The following SOX6 variants were observed in gnomAD, a reference collection of about 807,000 sequenced individuals.
The protein encoded by SOX6 is transcription factor SOX-6.
SOX6 carries 11 observed loss-of-function variants against 97.8 expected under a neutral mutation model. The observed-to-expected ratio is 0.11, with a 90% CI of 0.07 to 0.19. The LOEUF (loss-of-function observed/expected upper bound fraction) is 0.19. Ranked by LOEUF, SOX6 falls within the 10% of genes least tolerant of loss-of-function variation. The pLI, the probability that SOX6 is intolerant of heterozygous loss-of-function variation, is 1.00. For missense variants in SOX6, 810 were observed against 1,039.5 expected (o/e 0.78, Z 3.04); for synonymous variants, 360 against 371.4 (o/e 0.97, Z 0.35).
At chr11:16,169,416 T>C (rs1324129581) in intron 6 of SOX6, among the ~76,000 whole-genome samples, 1 of 152,074 alleles carries the variant, frequency 6.6e-6, no homozygotes, top group Non-Finnish European at 1.5e-5. Context: ...AGTACAGAAA[T>C]TTAAATATCA....
chr11:16,650,219 C>T (rs867737722), intron 3 of SOX6, among the ~76,000 whole-genome samples: 11 of 151,946 alleles, frequency 7.2e-5, no homozygotes, highest in Admixed American at 1.3e-4. Flanking sequence ...AGCAGTAGAC[C>T]GGTCATCAAC....
At chr11:16,523,157 T>A (rs1205323613) in intron 4 of SOX6, among the ~76,000 whole-genome samples, 2 of 147,948 alleles carry the variant, frequency 1.4e-5, no homozygotes, top group East Asian at 4.1e-4. Flanking sequence ...GGACTCTCCA[T>A]CCCAAATCAA....
chr11:16,154,058 C>T (rs1244257652), intron 6 of SOX6, among the ~76,000 whole-genome samples: 4 of 152,100 alleles, frequency 2.6e-5, no homozygotes, highest in Admixed American at 2.6e-4. Flanking sequence ...GCTCAAATCA[C>T]ATTCCTGTCT....
At chr11:16,096,275 G>T (rs1009728441) in intron 8 of SOX6, among the ~76,000 whole-genome samples, 157 bp from the exon 9 acceptor site, 1 of 151,730 alleles carries the variant, frequency 6.6e-6, no homozygotes, top group Non-Finnish European at 1.5e-5. Flanking sequence ...CAGAAATTTG[G>T]TTACAGTATC....
chr11:16,632,086 A>G (rs1310873301), intron 3 of SOX6, among the ~76,000 whole-genome samples: 1 of 151,986 alleles, frequency 6.6e-6, no homozygotes, highest in Non-Finnish European at 1.5e-5. Flanking sequence ...CTGAGTTTCC[A>G]TTTTGGTTAG....
chr11:16,472,742 T>A (rs1477754154), intron 1 of SOX6, among the ~76,000 whole-genome samples: 1 of 152,136 alleles, frequency 6.6e-6, no homozygotes, highest in Non-Finnish European at 1.5e-5. Flanking sequence ...AAAGCTGGTA[T>A]TAAATAAATT....
At chr11:16,064,717 A>T (rs1848049423) in intron 9 of SOX6, among the ~76,000 whole-genome samples, 1 of 151,952 alleles carries the variant, frequency 6.6e-6, no homozygotes, top group African/African-American at 2.4e-5. Flanking sequence ...CAACATATAC[A>T]AATCAATCAA....
At chr11:16,527,902 C>T (rs1355348506) in intron 4 of SOX6, among the ~76,000 whole-genome samples, 1 of 152,054 alleles carries the variant, frequency 6.6e-6, no homozygotes, top group Non-Finnish European at 1.5e-5. Flanking sequence ...CTCCAAAACA[C>T]AAAAATTGGT....
chr11:16,182,691 A>C (rs1434959790), intron 6 of SOX6, among the ~76,000 whole-genome samples: 6 of 151,880 alleles, frequency 4.0e-5, no homozygotes, highest in Non-Finnish European at 4.4e-5. Context: ...AAAAACCAAC[A>C]AAAAAGTTGG....
chr11:16,144,740 G>GA (rs1221318169), intron 6 of SOX6, among the ~76,000 whole-genome samples: 1 of 152,134 alleles, frequency 6.6e-6, no homozygotes, highest in Non-Finnish European at 1.5e-5. Context: ...AAATAAACTA[G>GA]AAAATCTAGA....
At chr11:16,108,578 T>C (rs1849154991) in intron 7 of SOX6, among the ~76,000 whole-genome samples, 1 of 152,218 alleles carries the variant, frequency 6.6e-6, no homozygotes, top group Non-Finnish European at 1.5e-5. Flanking sequence ...TGGTTTATGT[T>C]CTGGGATCTG....
At chr11:15,998,129 G>A (rs1398925330) in intron 13 of SOX6, among the ~76,000 whole-genome samples, 1 of 150,694 alleles carries the variant, frequency 6.6e-6, no homozygotes, top group Non-Finnish European at 1.5e-5. Context: ...AAAATAAAAA[G>A]CATACAAATT....
chr11:16,186,319 G>T (rs1233603438), intron 5 of SOX6, among the ~76,000 whole-genome samples: 1 of 152,134 alleles, frequency 6.6e-6, no homozygotes. Context: ...GCTATCTGGG[G>T]AAAACTGAAA....
chr11:16,645,180 T>C (rs903764706), intron 3 of SOX6, among the ~76,000 whole-genome samples: 2 of 152,200 alleles, frequency 1.3e-5, no homozygotes, highest in African/African-American at 4.8e-5. Flanking sequence ...AATCAAATTT[T>C]TTTTCTGTAT....
chr11:16,224,667 G>T (rs1228231388), intron 4 of SOX6, among the ~76,000 whole-genome samples: 7 of 151,896 alleles, frequency 4.6e-5, no homozygotes, highest in Non-Finnish European at 7.4e-5. Context: ...AAAAACTATG[G>T]GTGTTGCTGT....
intron 12 of SOX6, among the ~76,000 whole-genome samples, chr11:16,030,894 C>T (rs569444666): frequency 2.0e-5 from 3 of 152,312 alleles, no homozygotes; most frequent in African/African-American, 7.2e-5. Context: ...GAGTCTACCT[C>T]ATTCCAATGA....
intron 3 of SOX6, among the ~76,000 whole-genome samples, chr11:16,288,618 C>T (rs529536086): frequency 2.0e-5 from 3 of 152,004 alleles, no homozygotes; most frequent in Non-Finnish European, 4.4e-5. Flanking sequence ...ATTAAATATT[C>T]TAACATTTAT....
chr11:15,979,066 A>ATATATATATATATATATAG (rs1564890454), intron 15 of SOX6, among the ~76,000 whole-genome samples: 1 of 59,864 alleles, frequency 1.7e-5, no homozygotes, highest in Non-Finnish European at 3.8e-5. Context: ...TATATATATA[A>ATATATATATATATATATAG]AACTGCTTAT....
intron 1 of SOX6, among the ~76,000 whole-genome samples, chr11:16,350,886 G>A (rs1302822327): frequency 1.3e-5 from 2 of 152,128 alleles, no homozygotes; most frequent in Non-Finnish European, 2.9e-5. Context: ...CTATGGGAAT[G>A]AGGGAGGAAA....
Sources: allele counts gnomAD v4.1 joint callset (sites outside exome capture counted in the v4.1 genomes callset), GRCh38; gene constraint gnomAD v4.1.1; transcripts MANE v1.5; gene names NCBI Gene and HGNC (gene_info 2026-07-23, HGNC 2026-07-21).